Variants in SVIL observed in about 807,000 individuals in gnomAD.
SVIL encodes the protein supervillin, also known as archvillin.
Under a neutral mutation model 240.4 loss-of-function variants are expected in SVIL, and 101 were observed. That is an observed-to-expected ratio of 0.42 (90% CI 0.36 to 0.50). SVIL has a LOEUF of 0.50. Ranked by LOEUF, SVIL falls within the 20% of genes least tolerant of loss-of-function variation. The probability of loss-of-function intolerance (pLI) is 0.01; values close to 1 mark genes in which losing one functional copy is unlikely to be tolerated. For synonymous variants in SVIL, 999 were observed against 1,100.0 expected, an observed-to-expected ratio of 0.91 and a Z score of 1.82; for missense variants, 2,512 against 2,818.7, an observed-to-expected ratio of 0.89 and a Z score of 2.46.
intron 11 of SVIL, among the ~76,000 whole-genome samples, chr10:29,530,194 C>T (rs931635095): frequency 6.6e-6 from 1 of 151,986 alleles, no homozygotes; most frequent in African/African-American, 2.4e-5. Context: ...TTAAAAATAA[C>T]AAAGAAATTC....
intron 30 of SVIL, chr10:29,473,484 A>G (rs12257330): frequency 3.1e-4 from 81 of 265,482 alleles, no homozygotes; most frequent in African/African-American, 1.7e-3. Flanking sequence ...TCTTTAAAAA[A>G]TCACTACCAC....
chr10:29,497,777 G>A (rs7893593), intron 18 of SVIL, among the ~76,000 whole-genome samples: 7,206 of 152,122 alleles, frequency 0.047, 476 homozygotes, highest in African/African-American at 0.15. Flanking sequence ...AGAAGGAAAT[G>A]GAAACAATTT....
intron 1 of SVIL, among the ~76,000 whole-genome samples, chr10:29,571,333 C>A (rs114153978): frequency 0.018 from 2,748 of 152,324 alleles, 91 homozygotes; most frequent in African/African-American, 0.063. Context: ...AGCATCCCAG[C>A]ATTTGCTCTG....
intron 1 of SVIL, among the ~76,000 whole-genome samples, chr10:29,576,292 G>C (rs17768169): frequency 0.06 from 9,126 of 152,138 alleles, 345 homozygotes; most frequent in Admixed American, 0.12. Context: ...GGATCTGCAA[G>C]AGGGAAAATT....
At chr10:29,637,624 A>G (rs1376865798), upstream of SVIL, among the ~76,000 whole-genome samples, 1 of 152,228 alleles carries the variant, frequency 6.6e-6, no homozygotes, top group African/African-American at 2.4e-5. Context: ...AGACTGGAGA[A>G]CCCAGAGACA....
At chr10:29,592,405 C>A (rs913344742) in intron 1 of SVIL, among the ~76,000 whole-genome samples, 2 of 152,166 alleles carry the variant, frequency 1.3e-5, no homozygotes, top group Non-Finnish European at 2.9e-5. Flanking sequence ...AGGCAAGGGG[C>A]AAGAAGAAGC....
At chr10:29,685,125 G>T (rs1960963197) in intron 2 of SVIL, among the ~76,000 whole-genome samples, 1 of 152,100 alleles carries the variant, frequency 6.6e-6, no homozygotes, top group African/African-American at 2.4e-5. Flanking sequence ...CTAGTATCCA[G>T]GTGTTCCCAT....
At chr10:29,635,651 A>G (rs1958284053), upstream of SVIL, among the ~76,000 whole-genome samples, 1 of 152,224 alleles carries the variant, frequency 6.6e-6, no homozygotes, top group Non-Finnish European at 1.5e-5. Context: ...CACTTCTTAA[A>G]TGGCCATATG....
intron 17 of SVIL, among the ~76,000 whole-genome samples, chr10:29,507,149 T>C (rs576189024): frequency 1.3e-4 from 20 of 152,136 alleles, no homozygotes; most frequent in South Asian, 6.2e-4. Flanking sequence ...AACCAGCTCC[T>C]CCTGGTTCTT....
intron 17 of SVIL, chr10:29,508,416 T>C (rs1415919540): frequency 1.6e-6 from 2 of 1,289,080 alleles, no homozygotes; most frequent in South Asian, 1.2e-5. Context: ...ACAGGGAACA[T>C]GGCAGAGTAT....
At chr10:29,544,965 A>G (rs375440691) in intron 6 of SVIL, 107 of 533,676 alleles carry the variant, frequency 2.0e-4, no homozygotes, top group African/African-American at 1.9e-3. Context: ...AGGAGGACCC[A>G]GATGTCTGTT....
intron 16 of SVIL, among the ~76,000 whole-genome samples, chr10:29,520,493 A>G (rs1397162073): frequency 6.6e-6 from 1 of 152,176 alleles, no homozygotes; most frequent in African/African-American, 2.4e-5. Flanking sequence ...GGTCTAACTT[A>G]TCATGAATTT....
chr10:29,551,909 G>C (rs1328896020), intron 5 of SVIL, among the ~76,000 whole-genome samples: 1 of 151,996 alleles, frequency 6.6e-6, no homozygotes, highest in Non-Finnish European at 1.5e-5. Context: ...CCAGGAGTTC[G>C]AGACCAGCCT....
chr10:29,510,968 G>A (rs963085004), intron 17 of SVIL, among the ~76,000 whole-genome samples: 11 of 124,438 alleles, frequency 8.8e-5, no homozygotes, highest in South Asian at 2.6e-4. Flanking sequence ...AAATAGATCC[G>A]CTTATTTTAG....
intron 3 of SVIL, among the ~76,000 whole-genome samples, chr10:29,644,678 G>GAAAGAAAT (rs1173662143): frequency 1.3e-5 from 2 of 152,086 alleles, no homozygotes; most frequent in Non-Finnish European, 1.5e-5. Flanking sequence ...CTGAAAGAAA[G>GAAAGAAAT]AAAGAAAGAA....
chr10:29,651,366 C>T (rs1237813249), intron 3 of SVIL, among the ~76,000 whole-genome samples: 2 of 152,216 alleles, frequency 1.3e-5, no homozygotes, highest in Non-Finnish European at 2.9e-5. Context: ...CACATTCCCT[C>T]TTCAAACCAT....
rs1177757134 is a variant in SVIL, at chr10:29,551,410, CTGAT to C, written c.161-151_161-148del. The stretch of plus-strand genomic sequence containing the variant: ...TCTCACCGAGGTGTGTTTGCCTAAA[CTGAT>C]TATTTACCTGGGCTGTTGAAGAAGT... On this transcript the variant is annotated intron_variant, in intron 5 of 37. Transcript: ENST00000355867. The C allele has an allele frequency of 5.3e-6, 4 of 760,418 alleles. No homozygotes were observed. In the African/African-American group the frequency reaches 7.0e-5, roughly 13 times the overall value. 47.1% of individuals were successfully genotyped at this position (760,418 alleles called of 1,614,324 possible).
intron 1 of SVIL, among the ~76,000 whole-genome samples, chr10:29,622,016 C>T (rs577350515): frequency 2.0e-5 from 3 of 151,422 alleles, no homozygotes; most frequent in Admixed American, 6.6e-5. Context: ...TTTGGGAGGC[C>T]GAGGCGGGCG....
intron 36 of SVIL, 47 bp from the exon 37 acceptor site, chr10:29,458,636 G>T: frequency 6.3e-7 from 1 of 1,588,020 alleles, no homozygotes. Flanking sequence ...TCCTACATTT[G>T]AACTTGTTTT....
Sources: gnomAD v4.1 joint callset for allele counts (sites outside exome capture counted in the v4.1 genomes callset) on GRCh38, gnomAD v4.1.1 for gene constraint, MANE v1.5 for transcripts, NCBI Gene and HGNC (gene_info 2026-07-23, HGNC 2026-07-21) for gene names.